The following RPS6KA1 variants were observed in gnomAD, a reference collection of about 807,000 sequenced individuals.
RPS6KA1 encodes ribosomal protein S6 kinase alpha-1.
RPS6KA1 carries 48 observed loss-of-function variants against 91.3 expected under a neutral mutation model. The ratio of observed to expected loss-of-function variants is 0.53; its 90% confidence interval spans 0.42 to 0.67. RPS6KA1 has a LOEUF of 0.67. RPS6KA1 is among the 30% of genes least tolerant of loss of function. The pLI is 0.00. For synonymous variants in RPS6KA1, 359 were observed against 384.7 expected (o/e 0.93, Z 0.78); for missense variants, 719 against 960.5 (o/e 0.75, Z 3.32).
Position 26,551,227 on chromosome 1 carries a change from G to T in RPS6KA1, c.308-170G>T, listed in dbSNP as rs1000829923. 1.3e-5 allele frequency among the ~76,000 whole-genome samples: 2 copies of T among 152,192 alleles called. No homozygotes were observed. The highest frequency in any genetic ancestry group is 4.1e-4 in the South Asian group (2 of 4,836). On this transcript the variant is annotated intron_variant, in intron 4 of 21. Coordinates refer to ENST00000374168, the MANE Select transcript of RPS6KA1 (RefSeq NM_002953.4). The surrounding 1 kb of genome is among the most constrained non-coding windows in gnomAD (Gnocchi z 4.5). ...GGAGCCAGCCAAGGAGCCAGAAACA[G>T]ACTGGCAAGGAGGAAACCTGAGGAT...
At chr1:26,544,566 C>T (rs1266088795) in intron 2 of RPS6KA1, among the ~76,000 whole-genome samples, 2 of 152,042 alleles carry the variant, frequency 1.3e-5, no homozygotes, top group East Asian at 3.9e-4. Context: ...CCTCCCCCTC[C>T]CAGGTTCAAG....
At position 26,568,850 on chromosome 1, in the gene RPS6KA1, G is replaced by T. The variant is rs181039838; in HGVS notation, c.1591-2599G>T. On this transcript the variant is annotated intron_variant, in intron 17 of 21. Coordinates refer to ENST00000374168, the MANE Select transcript of RPS6KA1 (RefSeq NM_002953.4). ...TAAACTGGAAAGACTATGGAATTCA[G>T]GTCAGAACTGGGTTCTGGTCTTGCC... Among the ~76,000 whole-genome samples the T allele has an allele frequency of 1.0e-3, 154 of 152,316 alleles. 1 individual carries two copies. Among genetic ancestry groups the T allele is most frequent in the African/African-American group, 3.6e-3 (150 of 41,582 alleles).
In RPS6KA1 at chr1:26,547,816, C is replaced by T. The variant is rs976870915; in HGVS notation, c.307+546C>T. 6.6e-6 allele frequency among the ~76,000 whole-genome samples: 1 copy of T among 152,192 alleles called. No homozygotes were observed. Among genetic ancestry groups the T allele is most frequent in the Non-Finnish European group, 1.5e-5 (1 of 68,034 alleles). ...AGTGGGCTTTGGGTTGGATACTGAC[C>T]ACTTGGCCTGGGAACCAGTGTGACC... On this transcript the variant is annotated intron_variant, in intron 4 of 21. Coordinates refer to ENST00000374168, the MANE Select transcript of RPS6KA1 (RefSeq NM_002953.4). This position sits in a 1 kb window ranked among gnomAD's most constrained non-coding sequence, Gnocchi z 4.1.
chr1:26,535,381 A>G (rs565022541), intron 1 of RPS6KA1, among the ~76,000 whole-genome samples: 31 of 152,146 alleles, frequency 2.0e-4, no homozygotes, highest in East Asian at 1.4e-3. Flanking sequence ...AAGCAGGGCT[A>G]CAGCTGCCCC....
At chr1:26,545,811 AC>A in intron 2 of RPS6KA1, 1 of 1,429,158 alleles carries the variant, frequency 7.0e-7, no homozygotes, top group African/African-American at 1.5e-5. Flanking sequence ...CCCCGCCCTT[AC>A]CCTGCACATC....
intron 19 of RPS6KA1, 84 bp from the exon 20 acceptor site, chr1:26,572,092 G>A (rs556611050): frequency 7.5e-7 from 1 of 1,341,686 alleles, no homozygotes; most frequent in Non-Finnish European, 1.1e-6. Context: ...CCCCATCTGA[G>A]GGGGAGACAC....
intron 4 of RPS6KA1, among the ~76,000 whole-genome samples, chr1:26,549,323 C>G (rs1459228552): frequency 1.3e-5 from 2 of 151,926 alleles, no homozygotes; most frequent in Non-Finnish European, 2.9e-5. Context: ...GTAATCCCAG[C>G]ACTTTGGGAG....
rs1437102506 is a variant in RPS6KA1, at chr1:26,558,254, G to A, written c.1085-553G>A. On this transcript the variant is annotated intron_variant, in intron 13 of 21. Coordinates refer to ENST00000374168, the MANE Select transcript of RPS6KA1 (RefSeq NM_002953.4). The surrounding 1 kb of genome is among the most constrained non-coding windows in gnomAD (Gnocchi z 4.0). ...GAGTTGAGTCTTGAAGGATAGGCAAGGAGTGGATTATCTAGTTAAAGGGAA... is the reference window on the plus strand; with the variant it reads ...GAGTTGAGTCTTGAAGGATAGGCAAAGAGTGGATTATCTAGTTAAAGGGAA... Among the ~76,000 whole-genome samples, 1 of 152,170 alleles carries A rather than the reference G, an allele frequency of 6.6e-6. No homozygotes were observed. Among genetic ancestry groups the A allele is most frequent in the Non-Finnish European group, 1.5e-5 (1 of 68,030 alleles).
At chr1:26,562,982 G>A (rs921974216) in intron 17 of RPS6KA1, among the ~76,000 whole-genome samples, 10 of 151,540 alleles carry the variant, frequency 6.6e-5, no homozygotes, top group Admixed American at 3.3e-4. Flanking sequence ...GATTAGAGGC[G>A]CCTGTCACCA....
intron 1 of RPS6KA1, among the ~76,000 whole-genome samples, chr1:26,534,771 A>C (rs2075894429): frequency 6.6e-6 from 1 of 152,200 alleles, no homozygotes; most frequent in Non-Finnish European, 1.5e-5. Flanking sequence ...CGCAGGTGGT[A>C]GAAGCCAGAA....
chr1:26,553,998 A>T (rs1235893785), intron 7 of RPS6KA1: 14 of 518,440 alleles, frequency 2.7e-5, no homozygotes, highest in Admixed American at 7.2e-5. Context: ...GGGCCCTAAT[A>T]GTACTTGCCT....
rs1004307956 is a variant in RPS6KA1 at position 26,558,060 on chromosome 1, C to T, written c.1085-747C>T. On this transcript the variant is annotated intron_variant, in intron 13 of 21. Coordinates refer to ENST00000374168, the MANE Select transcript of RPS6KA1 (RefSeq NM_002953.4). This position sits in a 1 kb window ranked among gnomAD's most constrained non-coding sequence, Gnocchi z 4.0. ...GCCAGGCTGGTCTCGAACTCCTGAC[C>T]TCAGGTGATCCACAAGGGGGTGCTT... Among the ~76,000 whole-genome samples the T allele has an allele frequency of 3.3e-5, 5 of 151,934 alleles. No individual in the cohort carries two copies. The highest frequency in any genetic ancestry group is 9.7e-5 in the African/African-American group (4 of 41,338).
At chr1:26,553,365 C>T in intron 6 of RPS6KA1, 26 bp from the exon 7 acceptor site, 1 of 1,528,456 alleles carries the variant, frequency 6.5e-7, no homozygotes, top group South Asian at 1.1e-5. Context: ...GAGGTCCCTG[C>T]TGAAGGCCCC....
At chr1:26,570,446 C>A (rs2076239593) in intron 17 of RPS6KA1, among the ~76,000 whole-genome samples, 1 of 152,114 alleles carries the variant, frequency 6.6e-6, no homozygotes, top group Non-Finnish European at 1.5e-5. Context: ...ATGAATCATG[C>A]TGCTGTACTC....
intron 6 of RPS6KA1, among the ~76,000 whole-genome samples, 196 bp from the exon 7 acceptor site, chr1:26,553,195 G>T (rs1355367535): frequency 2.0e-5 from 3 of 152,142 alleles, no homozygotes. Flanking sequence ...ATTTCTGAAT[G>T]GTGCCACAAT....
chr1:26,548,703 G>A (rs1174572293), intron 4 of RPS6KA1, among the ~76,000 whole-genome samples: 2 of 151,776 alleles, frequency 1.3e-5, no homozygotes, highest in African/African-American at 4.8e-5. Context: ...GGAGGTTGAG[G>A]CACAAGAATT....
intron 2 of RPS6KA1, chr1:26,543,289 G>A (rs1351557476): frequency 7.3e-6 from 9 of 1,239,832 alleles, no homozygotes; most frequent in Admixed American, 5.9e-5. Context: ...TGGGTTTGGG[G>A]GTGGCTCTGT....
intron 1 of RPS6KA1, among the ~76,000 whole-genome samples, chr1:26,531,879 T>A (rs1048246429): frequency 8.5e-5 from 13 of 152,108 alleles, no homozygotes; most frequent in African/African-American, 3.1e-4. Context: ...GTGTTATTGT[T>A]TGGGTAACAG....
In RPS6KA1 at chr1:26,529,978, C is replaced by G. The variant is rs1223968815; in HGVS notation, c.58C>G (p.Pro20Ala). Residue 20 changes from proline (P) to alanine (A), a missense_variant, in exon 1 of 22, where the codon CCG (proline) becomes GCG (alanine). By Grantham distance (27) the Pro-to-Ala change is conservative. Transcript: ENST00000374168. This position sits in a 1 kb window ranked among gnomAD's most constrained non-coding sequence, Gnocchi z 4.2. ...GCTCATGGAGCTAGTGCCTCTGGACCCGGAGGTGAGTGAGCGGGGCGGGGG... is the reference window on the plus strand; with the variant it reads ...GCTCATGGAGCTAGTGCCTCTGGACGCGGAGGTGAGTGAGCGGGGCGGGGG... The part of the protein sequence containing the change: ...WPLMELVPLD[P>A]ENGQTSGEEA... 7.1e-7 allele frequency: 1 copy of G among 1,410,138 alleles called. No individual in the cohort carries two copies. The highest frequency in any genetic ancestry group is 9.3e-7 in the Non-Finnish European group (1 of 1,080,998). The allele number at this position is 1,410,138 out of a possible 1,614,324, so 87.4% of individuals were successfully genotyped here.
Sources: gnomAD v4.1 joint callset for allele counts (sites outside exome capture counted in the v4.1 genomes callset) on GRCh38, gnomAD v4.1.1 for gene constraint, Gnocchi (gnomAD v3.1) non-coding constraint, MANE v1.5 for transcripts, NCBI Gene and HGNC (gene_info 2026-07-23, HGNC 2026-07-21) for gene names.